UBE3D: variants seen among roughly 807,000 people sequenced by gnomAD.
UBE3D encodes ubiquitin protein ligase E3D.
UBE3D carries 48 observed loss-of-function variants against 49.6 expected under a neutral mutation model. That is an observed-to-expected ratio of 0.97 (90% CI 0.77 to 1.23). The LOEUF (loss-of-function observed/expected upper bound fraction) is 1.23, where lower values mean the gene tolerates loss of function less well. Ranked by LOEUF, UBE3D falls within the 50% of genes most tolerant of loss-of-function variation. The pLI is 0.00. For missense variants in UBE3D, 452 were observed against 468.4 expected (o/e 0.96, Z 0.32); for synonymous variants, 189 against 174.2 (o/e 1.08, Z -0.67).
intron 9 of UBE3D, among the ~76,000 whole-genome samples, chr6:82,901,826 C>T (rs1771758579): frequency 1.3e-5 from 2 of 152,150 alleles, no homozygotes; most frequent in South Asian, 4.1e-4. Context: ...AATAAAGGAG[C>T]CTGGGCCCAC....
intron 7 of UBE3D, among the ~76,000 whole-genome samples, chr6:83,020,542 C>A (rs1055870911): frequency 2.0e-5 from 3 of 152,056 alleles, no homozygotes; most frequent in Non-Finnish European, 2.9e-5. Context: ...GAATGTTTTA[C>A]TTTTATAAAA....
intron 9 of UBE3D, among the ~76,000 whole-genome samples, chr6:82,909,591 T>C (rs1254612615): frequency 2.0e-5 from 3 of 152,228 alleles, no homozygotes; most frequent in African/African-American, 7.2e-5. Context: ...AGCATTCACA[T>C]CTGCTTTCTT....
intron 9 of UBE3D, among the ~76,000 whole-genome samples, chr6:82,940,466 A>G (rs901752953): frequency 6.6e-6 from 1 of 152,216 alleles, no homozygotes; most frequent in Non-Finnish European, 1.5e-5. Flanking sequence ...ACTGAGGACA[A>G]AGGCATTAGC....
chr6:82,980,480 C>T (rs2127718369), intron 8 of UBE3D, among the ~76,000 whole-genome samples: 1 of 152,062 alleles, frequency 6.6e-6, no homozygotes, highest in Non-Finnish European at 1.5e-5. Flanking sequence ...GATATTAGTC[C>T]TCTGTCAGTT....
At position 82,953,530 on chromosome 6, in the gene UBE3D, G is replaced by A. The variant is rs146840991; in HGVS notation, c.1149+3782C>T. On this transcript the variant is annotated intron_variant, in intron 9 of 9. Transcript: ENST00000369747. ...CTTCTGCCCTGAGTGTATACTGTACGTACCTCTGTGTAACCCAGCTCAGTC... is the reference window on the plus strand; with the variant it reads ...CTTCTGCCCTGAGTGTATACTGTACATACCTCTGTGTAACCCAGCTCAGTC... 2.1e-3 allele frequency among the ~76,000 whole-genome samples: 325 copies of A among 152,242 alleles called. 2 individuals carry two copies. The highest frequency in any genetic ancestry group is 7.2e-3 in the African/African-American group (299 of 41,538).
At chr6:82,931,607 T>C (rs753818770) in intron 9 of UBE3D, among the ~76,000 whole-genome samples, 33 of 152,190 alleles carry the variant, frequency 2.2e-4, no homozygotes, top group Non-Finnish European at 3.4e-4. Flanking sequence ...AACTTTAAGG[T>C]TTAATAAATG....
In UBE3D at chr6:82,900,954, T is replaced by G. The variant is rs1447733365; in HGVS notation, c.1150-7912A>C. On this transcript the variant is annotated intron_variant, in intron 9 of 9. Transcript: ENST00000369747. Reference sequence around the variant, plus strand: ...ATTGAAACTTAGAGAAGTCAAGACTTATATTGCCTACTATAATTCCTGTTT... The same window carrying G: ...ATTGAAACTTAGAGAAGTCAAGACTGATATTGCCTACTATAATTCCTGTTT... 2.0e-5 allele frequency among the ~76,000 whole-genome samples: 3 copies of G among 152,196 alleles called. No homozygotes were observed. The East Asian group carries it at 5.8e-4, about 29-fold the overall frequency.
chr6:82,916,691 G>A (rs1017758381), intron 9 of UBE3D, among the ~76,000 whole-genome samples: 13 of 152,122 alleles, frequency 8.5e-5, no homozygotes, highest in African/African-American at 2.2e-4. Context: ...TAACATCTAC[G>A]TACATTTCAA....
chr6:82,954,635 T>TG (rs1165222259), intron 9 of UBE3D, among the ~76,000 whole-genome samples: 2 of 152,178 alleles, frequency 1.3e-5, no homozygotes, highest in African/African-American at 4.8e-5. Flanking sequence ...TTATAGCTCT[T>TG]GCCAATATAG....
intron 8 of UBE3D, among the ~76,000 whole-genome samples, chr6:82,971,138 A>G (rs557813340): frequency 6.6e-6 from 1 of 152,246 alleles, no homozygotes; most frequent in South Asian, 2.1e-4. Context: ...TTTCTGACAA[A>G]ATAATTAAAA....
At chr6:82,995,171 G>A (rs749517096) in intron 8 of UBE3D, among the ~76,000 whole-genome samples, 5 of 152,114 alleles carry the variant, frequency 3.3e-5, no homozygotes, top group Admixed American at 6.5e-5. Context: ...AGAATGCCAC[G>A]GCAAACACTT....
chr6:82,937,240 T>C (rs1374543573), intron 9 of UBE3D, among the ~76,000 whole-genome samples: 1 of 152,166 alleles, frequency 6.6e-6, no homozygotes, highest in African/African-American at 2.4e-5. Context: ...CAATGGAGGC[T>C]TGAGAACAGT....
At chr6:82,894,193 C>G (rs986523256) in intron 9 of UBE3D, among the ~76,000 whole-genome samples, 2 of 151,890 alleles carry the variant, frequency 1.3e-5, no homozygotes, top group East Asian at 1.9e-4. Flanking sequence ...CTCGCCCCCA[C>G]CCCCCCAACC....
At chr6:82,944,813 C>T (rs748038119) in intron 9 of UBE3D, among the ~76,000 whole-genome samples, 6 of 152,118 alleles carry the variant, frequency 3.9e-5, no homozygotes, top group East Asian at 3.9e-4. Context: ...TGAACATCAG[C>T]GGTAGCTTGG....
At chr6:82,916,152 A>G (rs1772899989) in intron 9 of UBE3D, among the ~76,000 whole-genome samples, 1 of 152,158 alleles carries the variant, frequency 6.6e-6, no homozygotes, top group African/African-American at 2.4e-5. Flanking sequence ...CACAGATAAG[A>G]CATCTTCCCT....
chr6:83,035,267 C>A (rs1399985586), intron 5 of UBE3D, among the ~76,000 whole-genome samples: 1 of 152,142 alleles, frequency 6.6e-6, no homozygotes, highest in Non-Finnish European at 1.5e-5. Context: ...CTGCCCACTC[C>A]TTACCCTGGG....
At chr6:83,030,591 T>C (rs1364541344) in intron 5 of UBE3D, among the ~76,000 whole-genome samples, 1 of 152,178 alleles carries the variant, frequency 6.6e-6, no homozygotes, top group Non-Finnish European at 1.5e-5. Context: ...AACGGACTAA[T>C]ACAGTAAATT....
chr6:82,978,787 C>T (rs1022809654), intron 8 of UBE3D, among the ~76,000 whole-genome samples: 3 of 152,188 alleles, frequency 2.0e-5, no homozygotes, highest in Admixed American at 2.0e-4. Flanking sequence ...GTTTAAACAG[C>T]ATTAAGGTTC....
chr6:83,036,648 T>G (rs886217117), intron 5 of UBE3D: 2 of 152,132 alleles, frequency 1.3e-5, no homozygotes, highest in African/African-American at 2.4e-5. Context: ...TGTAAGGCAG[T>G]GAAATGCTGA....
Sources: allele counts gnomAD v4.1 joint callset (sites outside exome capture counted in the v4.1 genomes callset), GRCh38; gene constraint gnomAD v4.1.1; transcripts MANE v1.5; gene names NCBI Gene and HGNC (gene_info 2026-07-23, HGNC 2026-07-21).